CNTN3: variants seen among roughly 807,000 people sequenced by gnomAD.
CNTN3 encodes contactin-3.
Under a neutral mutation model 119.1 loss-of-function variants are expected in CNTN3, and 60 were observed. The ratio of observed to expected loss-of-function variants is 0.50; its 90% CI spans 0.41 to 0.62. The LOEUF is 0.62. CNTN3 is among the 20% of genes least tolerant of loss of function. The pLI, the probability that CNTN3 is intolerant of heterozygous loss-of-function variation, is 0.00. For synonymous variants in CNTN3, 450 were observed against 438.7 expected (o/e 1.03, Z -0.32); for missense variants, 1,101 against 1,242.4 (o/e 0.89, Z 1.71).
At chr3:74,332,314 T>C (rs2106702494) in intron 13 of CNTN3, among the ~76,000 whole-genome samples, 1 of 152,386 alleles carries the variant, frequency 6.6e-6, no homozygotes, top group South Asian at 2.1e-4. Flanking sequence ...AAGGGTAATG[T>C]CATCTTGTAT....
In CNTN3 at chr3:74,314,979, G is replaced by T. The variant is rs533637433; in HGVS notation, c.1669-12172C>A. 2.0e-5 allele frequency among the ~76,000 whole-genome samples: 3 copies of T among 152,300 alleles called. No homozygotes were observed. In the South Asian group the frequency reaches 6.2e-4, roughly 32 times the overall value. The stretch of plus-strand genomic sequence containing the variant: ...GACAGGAGGTTGACACAAGATACGG[G>T]TCACAAAGATCCCATTGGTAAAACA... On this transcript the variant is annotated intron_variant, in intron 13 of 22. Transcript: ENST00000263665.
intron 1 of CNTN3, among the ~76,000 whole-genome samples, chr3:74,575,255 A>G (rs1041387574): frequency 1.3e-5 from 2 of 151,694 alleles, no homozygotes; most frequent in African/African-American, 4.8e-5. Flanking sequence ...GAGTGATTAG[A>G]TTAATATTTT....
chr3:74,603,080 G>C (rs1390208957), intron 1 of CNTN3, among the ~76,000 whole-genome samples: 5 of 152,026 alleles, frequency 3.3e-5, no homozygotes, highest in Non-Finnish European at 5.9e-5. Context: ...GGCCCCTCTT[G>C]GCTACCTCTC....
Position 74,264,455 on chromosome 3 carries a change from A to G in CNTN3, c.3033T>C (p.Pro1011=), listed in dbSNP as rs1319355766. The G allele has an allele frequency of 3.7e-6, 6 of 1,612,192 alleles. No homozygotes were observed. Among genetic ancestry groups the G allele is most frequent in the Non-Finnish European group, 4.2e-6 (5 of 1,178,778 alleles). ...GSTSAISNVH[P]MSSYMPIVLF... ...GTACTATAGGCATATAACTTGACAT[A>G]GGGTGGACATTCGAGATGGCTGAAG... is the stretch of plus-strand genomic sequence containing the variant. The change falls in exon 23 of 23, where the codon CCT becomes CCC. Residue 1011 remains proline (P), a synonymous_variant. Coordinates refer to ENST00000263665, the MANE Select transcript of CNTN3 (RefSeq NM_020872.3).
chr3:74,546,751 C>T (rs897217921), intron 1 of CNTN3, among the ~76,000 whole-genome samples: 10 of 152,114 alleles, frequency 6.6e-5, no homozygotes, highest in Admixed American at 4.6e-4. Context: ...CCTGAGCTTG[C>T]CAACAGCCTA....
intron 2 of CNTN3, among the ~76,000 whole-genome samples, chr3:74,507,766 G>A (rs1395607477): frequency 4.0e-5 from 6 of 151,670 alleles, no homozygotes; most frequent in African/African-American, 1.5e-4. Flanking sequence ...TGAGTAGCTG[G>A]GATTATAGGT....
intron 5 of CNTN3, among the ~76,000 whole-genome samples, chr3:74,419,356 C>G (rs1229452831): frequency 6.6e-6 from 1 of 151,470 alleles, no homozygotes; most frequent in Admixed American, 6.6e-5. Context: ...GCTAAGCTAC[C>G]TGAGCTGACT....
intron 5 of CNTN3, among the ~76,000 whole-genome samples, chr3:74,401,540 CTG>C (rs1284634233): frequency 6.6e-6 from 1 of 151,940 alleles, no homozygotes; most frequent in Non-Finnish European, 1.5e-5. Context: ...ACAGAGTTGT[CTG>C]AAACAAGCTG....
At chr3:74,430,647 T>G (rs13061323) in intron 4 of CNTN3, among the ~76,000 whole-genome samples, 1 of 151,640 alleles carries the variant, frequency 6.6e-6, no homozygotes, top group Non-Finnish European at 1.5e-5. Flanking sequence ...TGGAGGGAGA[T>G]AGGGGAGTGT....
chr3:74,307,157 A>G (rs1416072562), intron 13 of CNTN3, among the ~76,000 whole-genome samples: 2 of 152,150 alleles, frequency 1.3e-5, no homozygotes, highest in East Asian at 3.9e-4. Context: ...GTAACTCAAG[A>G]AGGAGAGCTG....
intron 1 of CNTN3, among the ~76,000 whole-genome samples, chr3:74,536,513 A>G (rs1703767505): frequency 6.6e-6 from 1 of 152,194 alleles, no homozygotes; most frequent in African/African-American, 2.4e-5. Flanking sequence ...AATTGAATTT[A>G]CTAAAAAGCA....
chr3:74,592,558 T>C (rs982544250), intron 1 of CNTN3, among the ~76,000 whole-genome samples: 1 of 151,890 alleles, frequency 6.6e-6, no homozygotes, highest in Non-Finnish European at 1.5e-5. Context: ...GCACTTTTTC[T>C]AGTTCCTCAG....
intron 22 of CNTN3, among the ~76,000 whole-genome samples, chr3:74,264,792 A>G (rs1279979611): frequency 6.6e-6 from 1 of 152,120 alleles, no homozygotes; most frequent in Non-Finnish European, 1.5e-5. Flanking sequence ...TAAGACACAG[A>G]GCAAAGGCAA....
chr3:74,352,199 T>C (rs905035441), intron 11 of CNTN3, among the ~76,000 whole-genome samples: 13 of 152,244 alleles, frequency 8.5e-5, no homozygotes, highest in African/African-American at 3.1e-4. Flanking sequence ...TTCTTACCTG[T>C]GTAATCCTTT....
At chr3:74,385,455 A>G (rs1704723980) in intron 5 of CNTN3, among the ~76,000 whole-genome samples, 1 of 152,072 alleles carries the variant, frequency 6.6e-6, no homozygotes, top group Admixed American at 6.6e-5. Context: ...TGTTTTGACT[A>G]TTGCTATCTC....
At chr3:74,307,977 T>C (rs1702598626) in intron 13 of CNTN3, among the ~76,000 whole-genome samples, 1 of 152,178 alleles carries the variant, frequency 6.6e-6, no homozygotes, top group Non-Finnish European at 1.5e-5. Context: ...ATATTAATCA[T>C]TCATTCCTTC....
rs72892544 is a variant in CNTN3, at chr3:74,316,050, G to A, written c.1669-13243C>T. On this transcript the variant is annotated intron_variant, in intron 13 of 22. Transcript: ENST00000263665. Reference sequence around the variant, plus strand: ...TGCACAGCAAGATAAATGATCAAGGGCATAAACTTACAGAATGGGAGAAAA... The same window carrying A: ...TGCACAGCAAGATAAATGATCAAGGACATAAACTTACAGAATGGGAGAAAA... Among the ~76,000 whole-genome samples, 1,136 of 152,140 alleles carry A rather than the reference G, an allele frequency of 7.5e-3. 12 individuals carry two copies. Among genetic ancestry groups the A allele is most frequent in the African/African-American group, 0.026 (1,074 of 41,496 alleles).
chr3:74,569,501 C>A (rs938434167), intron 1 of CNTN3, among the ~76,000 whole-genome samples: 3 of 152,164 alleles, frequency 2.0e-5, no homozygotes, highest in African/African-American at 7.2e-5. Flanking sequence ...GGGAACGTTT[C>A]TCTTGGGAGA....
At chr3:74,288,099 T>TAA (rs1373209554) in intron 19 of CNTN3, among the ~76,000 whole-genome samples, 5 of 152,118 alleles carry the variant, frequency 3.3e-5, no homozygotes, top group African/African-American at 1.2e-4. Context: ...CCAGTGACAT[T>TAA]TTCATAGTCT....
Sources: allele counts gnomAD v4.1 joint callset (sites outside exome capture counted in the v4.1 genomes callset), GRCh38; gene constraint gnomAD v4.1.1; transcripts MANE v1.5; gene names NCBI Gene and HGNC (gene_info 2026-07-23, HGNC 2026-07-21).